SGCZ: variants seen among roughly 807,000 people sequenced by gnomAD.
The protein encoded by SGCZ is zeta-sarcoglycan.
A neutral mutation model predicts 41.3 loss-of-function variants in SGCZ; 40 were observed. That is an observed-to-expected ratio of 0.97 (90% CI 0.75 to 1.26). The LOEUF (loss-of-function observed/expected upper bound fraction) is 1.26. Ranked by LOEUF, SGCZ falls within the 50% of genes most tolerant of loss-of-function variation. The pLI, the probability that SGCZ is intolerant of heterozygous loss-of-function variation, is 0.00. For missense variants in SGCZ, 552 were observed against 369.8 expected (o/e 1.49, Z -4.04); for synonymous variants, 206 against 137.5 (o/e 1.50, Z -3.49).
chr8:14,491,878 T>C (rs1192600940), intron 2 of SGCZ, among the ~76,000 whole-genome samples: 1 of 152,134 alleles, frequency 6.6e-6, no homozygotes, highest in Non-Finnish European at 1.5e-5. Context: ...CTCAAAAATA[T>C]GTCTGAAGCC....
intron 5 of SGCZ, among the ~76,000 whole-genome samples, chr8:14,159,317 AT>A (rs1222024332): frequency 6.6e-6 from 1 of 152,140 alleles, no homozygotes; most frequent in African/African-American, 2.4e-5. Context: ...TTCACCTGTT[AT>A]TTAATTATAT....
intron 2 of SGCZ, among the ~76,000 whole-genome samples, chr8:14,477,051 A>G (rs1360492107): frequency 6.6e-6 from 1 of 152,118 alleles, no homozygotes; most frequent in Non-Finnish European, 1.5e-5. Context: ...TTTTTCACCT[A>G]ATTTTTGATT....
chr8:14,196,378 C>T (rs958340837), intron 4 of SGCZ, among the ~76,000 whole-genome samples: 3 of 151,436 alleles, frequency 2.0e-5, no homozygotes, highest in African/African-American at 7.3e-5. Flanking sequence ...ATTCTCCTGC[C>T]TCATTAATTG....
chr8:14,658,108 C>T (rs1039733421), intron 1 of SGCZ, among the ~76,000 whole-genome samples: 3 of 152,116 alleles, frequency 2.0e-5, no homozygotes, highest in Non-Finnish European at 4.4e-5. Context: ...CAAAAGGAGC[C>T]ACTCAGAGGT....
intron 1 of SGCZ, among the ~76,000 whole-genome samples, chr8:14,638,196 C>T (rs1806899826): frequency 6.6e-6 from 1 of 151,772 alleles, no homozygotes; most frequent in South Asian, 2.1e-4. Context: ...CATTCTGTTC[C>T]CAACTTTTTT....
intron 4 of SGCZ, among the ~76,000 whole-genome samples, chr8:14,224,692 T>G (rs1806313024): frequency 6.6e-6 from 1 of 152,154 alleles, no homozygotes. Flanking sequence ...CCATAAAAAT[T>G]ATAAAATGGC....
intron 2 of SGCZ, among the ~76,000 whole-genome samples, chr8:14,512,020 C>T (rs1208504198): frequency 2.0e-5 from 3 of 152,090 alleles, no homozygotes; most frequent in Non-Finnish European, 2.9e-5. Flanking sequence ...AAACATAGGG[C>T]AACATTCTTG....
intron 1 of SGCZ, among the ~76,000 whole-genome samples, chr8:14,838,327 G>T (rs1200096676): frequency 6.6e-6 from 1 of 152,112 alleles, no homozygotes; most frequent in Non-Finnish European, 1.5e-5. Flanking sequence ...ACCCTCTCTG[G>T]CTATTGAGAG....
intron 2 of SGCZ, among the ~76,000 whole-genome samples, chr8:14,353,438 C>T (rs1489654524): frequency 6.6e-6 from 1 of 151,978 alleles, no homozygotes; most frequent in Non-Finnish European, 1.5e-5. Flanking sequence ...CTTTAGAACC[C>T]AGACCACTAT....
intron 1 of SGCZ, among the ~76,000 whole-genome samples, chr8:15,179,284 G>C (rs374365613): frequency 6.6e-6 from 1 of 152,120 alleles, no homozygotes; most frequent in Admixed American, 6.5e-5. Flanking sequence ...TATATGAATA[G>C]TGAATTATCT....
intron 1 of SGCZ, among the ~76,000 whole-genome samples, chr8:15,001,440 G>A (rs116770963): frequency 0.021 from 3,270 of 152,174 alleles, 133 homozygotes; most frequent in African/African-American, 0.074. Flanking sequence ...ATTAAAGAGT[G>A]GAGGGTAGGC....
At chr8:14,873,901 T>C (rs1179748458) in intron 1 of SGCZ, among the ~76,000 whole-genome samples, 1 of 152,188 alleles carries the variant, frequency 6.6e-6, no homozygotes, top group Non-Finnish European at 1.5e-5. Flanking sequence ...TTAGGCTTCT[T>C]CTTGGAAGTG....
At chr8:15,133,709 G>A (rs1352351681) in intron 1 of SGCZ, among the ~76,000 whole-genome samples, 1 of 152,116 alleles carries the variant, frequency 6.6e-6, no homozygotes, top group Admixed American at 6.5e-5. Context: ...ACAACAGTAA[G>A]ACAGAACCAA....
At chr8:14,827,728 C>G (rs552940582) in intron 1 of SGCZ, among the ~76,000 whole-genome samples, 11 of 152,264 alleles carry the variant, frequency 7.2e-5, no homozygotes, top group African/African-American at 2.6e-4. Flanking sequence ...AACCTCAACT[C>G]TAATGCAATG....
intron 1 of SGCZ, among the ~76,000 whole-genome samples, chr8:14,638,248 T>G (rs1223363868): frequency 6.6e-6 from 1 of 151,816 alleles, no homozygotes; most frequent in Admixed American, 6.6e-5. Flanking sequence ...ACATCAAGTT[T>G]CTTAGAGTCT....
At chr8:15,106,912 A>C (rs1044263058) in intron 1 of SGCZ, among the ~76,000 whole-genome samples, 2 of 152,084 alleles carry the variant, frequency 1.3e-5, no homozygotes, top group Non-Finnish European at 2.9e-5. Context: ...CACCTTTTAA[A>C]AAATTCAGGA....
intron 1 of SGCZ, among the ~76,000 whole-genome samples, chr8:15,154,189 T>C (rs143629725): frequency 6.6e-6 from 1 of 152,346 alleles, no homozygotes; most frequent in East Asian, 1.9e-4. Context: ...TTTTTCTTTA[T>C]AGCAAGGCAA....
rs933489205 is a variant in SGCZ, at chr8:15,148,702, C to G, written c.39+88883G>C. On this transcript the variant is annotated intron_variant, in intron 1 of 7. Transcript: ENST00000382080. ...ACCCTTTCAAGTTTCTCAGGTGACACTGATACGAGTTCTCCAAGCAAGCCT... is the reference window on the plus strand; with the variant it reads ...ACCCTTTCAAGTTTCTCAGGTGACAGTGATACGAGTTCTCCAAGCAAGCCT... 1.2e-4 allele frequency among the ~76,000 whole-genome samples: 18 copies of G among 152,158 alleles called. 1 individual carries two copies. The highest frequency in any genetic ancestry group is 3.3e-4 in the Admixed American group (5 of 15,268).
intron 1 of SGCZ, among the ~76,000 whole-genome samples, chr8:14,754,994 T>C (rs1799613996): frequency 6.6e-6 from 1 of 152,192 alleles, no homozygotes; most frequent in African/African-American, 2.4e-5. Flanking sequence ...CCTCCCAAAG[T>C]TCTAGGATTA....
Sources: gnomAD v4.1 joint callset for allele counts (sites outside exome capture counted in the v4.1 genomes callset) on GRCh38, gnomAD v4.1.1 for gene constraint, MANE v1.5 for transcripts, NCBI Gene and HGNC (gene_info 2026-07-23, HGNC 2026-07-21) for gene names.